DLG2: variants seen among roughly 807,000 people sequenced by gnomAD.
The protein encoded by DLG2 is discs large MAGUK scaffold protein 2, also known as disks large homolog 2.
DLG2 carries 45 observed loss-of-function variants against 132.5 expected under a neutral mutation model. The observed-to-expected ratio is 0.34, with a 90% CI of 0.27 to 0.44. DLG2 has a LOEUF of 0.44. Among genes scored for constraint, DLG2 ranks in the 20% least tolerant of loss-of-function variants. DLG2 has a pLI of 1.00. For synonymous variants in DLG2, 424 were observed against 419.6 expected (o/e 1.01, Z -0.13); for missense variants, 1,045 against 1,196.9 (o/e 0.87, Z 1.87).
chr11:84,778,676 T>C (rs1408127176), intron 6 of DLG2, among the ~76,000 whole-genome samples: 1 of 152,156 alleles, frequency 6.6e-6, no homozygotes, highest in Non-Finnish European at 1.5e-5. Context: ...ATGGTTAATA[T>C]TGTGTCAAGC....
At chr11:84,884,403 A>C (rs2087880299) in intron 6 of DLG2, among the ~76,000 whole-genome samples, 1 of 152,134 alleles carries the variant, frequency 6.6e-6, no homozygotes, top group Non-Finnish European at 1.5e-5. Context: ...AGGCTAAAAA[A>C]TGAAGGGTGA....
chr11:83,684,670 T>A (rs1044369380), intron 18 of DLG2: 1 of 152,132 alleles, frequency 6.6e-6, no homozygotes, highest in Admixed American at 6.6e-5. Context: ...TTACTTCCTA[T>A]ATGTCTGAAG....
intron 6 of DLG2, among the ~76,000 whole-genome samples, chr11:84,897,624 T>C (rs1197612369): frequency 1.3e-5 from 2 of 151,900 alleles, no homozygotes; most frequent in Non-Finnish European, 2.9e-5. Flanking sequence ...TCATCAAATA[T>C]ATTCCTAGAA....
At chr11:83,960,069 G>GAA (rs751662362) in intron 14 of DLG2, among the ~76,000 whole-genome samples, 1 of 151,908 alleles carries the variant, frequency 6.6e-6, no homozygotes, top group Non-Finnish European at 1.5e-5. Context: ...TCTAATTCTT[G>GAA]CTTTCATTTT....
intron 15 of DLG2, 138 bp downstream of exon 15, chr11:83,930,190 A>C (rs2079879190): frequency 1.7e-5 from 17 of 993,588 alleles, no homozygotes; most frequent in Admixed American, 2.7e-5. Flanking sequence ...CCATTGCACC[A>C]AGGGAACAGC....
intron 15 of DLG2, among the ~76,000 whole-genome samples, chr11:83,920,592 G>A (rs537679343): frequency 1.4e-4 from 22 of 151,952 alleles, no homozygotes; most frequent in African/African-American, 4.3e-4. Context: ...CTATTGGGGG[G>A]GTCACAATAC....
At chr11:85,583,122 G>GTA (rs1355453267) in intron 3 of DLG2, among the ~76,000 whole-genome samples, 143 of 49,032 alleles carry the variant, frequency 2.9e-3, no homozygotes, top group Middle Eastern at 9.8e-3. Context: ...GTGTGTGTGT[G>GTA]TGTGTGTGTA....
chr11:85,430,036 T>G (rs1035685335), intron 3 of DLG2, among the ~76,000 whole-genome samples: 8 of 152,018 alleles, frequency 5.3e-5, no homozygotes, highest in African/African-American at 1.9e-4. Context: ...CCATAAAAAA[T>G]GATGAGTTCA....
At chr11:83,501,850 C>A (rs1467799030) in intron 21 of DLG2, among the ~76,000 whole-genome samples, 1 of 152,160 alleles carries the variant, frequency 6.6e-6, no homozygotes, top group South Asian at 2.1e-4. Context: ...CTCTGACTAT[C>A]CTGATCCTTT....
At chr11:85,497,991 A>T (rs891485034) in intron 3 of DLG2, among the ~76,000 whole-genome samples, 55 of 152,334 alleles carry the variant, frequency 3.6e-4, no homozygotes, top group African/African-American at 1.2e-3. Context: ...AATTGTAAAG[A>T]CCATCGATGC....
intron 15 of DLG2, among the ~76,000 whole-genome samples, chr11:83,927,527 T>A (rs773264366): frequency 6.6e-6 from 1 of 152,074 alleles, no homozygotes; most frequent in Non-Finnish European, 1.5e-5. Context: ...AGAAGAGATT[T>A]AGTGCATTTT....
intron 6 of DLG2, among the ~76,000 whole-genome samples, chr11:84,747,782 G>A (rs1010740198): frequency 1.5e-5 from 2 of 132,886 alleles, no homozygotes; most frequent in Non-Finnish European, 3.6e-5. Flanking sequence ...GCTGGGTATC[G>A]TAAATGGTTA....
At chr11:85,386,951 A>G (rs1326008293) in intron 3 of DLG2, among the ~76,000 whole-genome samples, 1 of 150,458 alleles carries the variant, frequency 6.6e-6, no homozygotes, top group Non-Finnish European at 1.5e-5. Flanking sequence ...CTGGAGTGCA[A>G]TGGTGTGCTC....
chr11:85,314,816 A>AG (rs1274233771), intron 3 of DLG2, among the ~76,000 whole-genome samples: 2 of 152,098 alleles, frequency 1.3e-5, no homozygotes, highest in Admixed American at 1.3e-4. Flanking sequence ...CAGTTCACAG[A>AG]GGGGAGAAAG....
At chr11:83,516,276 G>A (rs1477437405) in intron 21 of DLG2, among the ~76,000 whole-genome samples, 1 of 152,120 alleles carries the variant, frequency 6.6e-6, no homozygotes, top group Non-Finnish European at 1.5e-5. Context: ...TTACCATTAT[G>A]TAATGGCCTT....
At chr11:83,668,675 ATG>A (rs1435279693) in intron 18 of DLG2, among the ~76,000 whole-genome samples, 2 of 150,258 alleles carry the variant, frequency 1.3e-5, no homozygotes, top group African/African-American at 4.9e-5. Context: ...ATAAGTATAT[ATG>A]TATGTGTATA....
chr11:84,497,678 T>C (rs1400610939), intron 7 of DLG2, among the ~76,000 whole-genome samples: 2 of 152,156 alleles, frequency 1.3e-5, no homozygotes, highest in Non-Finnish European at 2.9e-5. Flanking sequence ...TTGGGAACCA[T>C]GGAATTCATA....
At chr11:85,425,049 C>A (rs147801877) in intron 3 of DLG2, among the ~76,000 whole-genome samples, 2 of 66,292 alleles carry the variant, frequency 3.0e-5, no homozygotes, top group Admixed American at 1.3e-4. Context: ...AAAAAACAAA[C>A]CCACCACATA....
intron 19 of DLG2, among the ~76,000 whole-genome samples, chr11:83,577,760 T>A (rs1361164463): frequency 7.8e-6 from 1 of 127,490 alleles, no homozygotes; most frequent in Non-Finnish European, 1.6e-5. Context: ...TATATAATTA[T>A]TAAATTAAAA....
Sources: allele counts gnomAD v4.1 joint callset (sites outside exome capture counted in the v4.1 genomes callset), GRCh38; gene constraint gnomAD v4.1.1; transcripts MANE v1.5; gene names NCBI Gene and HGNC (gene_info 2026-07-23, HGNC 2026-07-21).